GPC3: variants seen among roughly 807,000 people sequenced by gnomAD.
GPC3 encodes the protein glypican 3.
GPC3 carries 3 observed loss-of-function variants against 34.4 expected under a neutral mutation model. That is an observed-to-expected ratio of 0.09 (90% CI 0.04 to 0.23). The LOEUF (loss-of-function observed/expected upper bound fraction) is 0.23. GPC3 is among the 10% of genes least tolerant of loss of function. The probability of loss-of-function intolerance (pLI) is 1.00; values close to 1 mark genes in which losing one functional copy is unlikely to be tolerated. For synonymous variants in GPC3, 177 were observed against 174.0 expected (o/e 1.02, Z -0.13); for missense variants, 351 against 445.6 (o/e 0.79, Z 1.91).
At chrX:133,984,343 T>C (rs1461905097) in intron 1 of GPC3, among the ~76,000 whole-genome samples, 1 of 113,389 alleles carries the variant, frequency 8.8e-6, no homozygotes, top group Admixed American at 9.2e-5. Context: ...CAATTTGGTC[T>C]AATTGGATTC....
At chrX:133,559,262 G>A (rs1343586570) in intron 7 of GPC3, among the ~76,000 whole-genome samples, 3 of 111,486 alleles carry the variant, frequency 2.7e-5, no homozygotes, top group African/African-American at 9.8e-5. Flanking sequence ...AGGAACCAGC[G>A]GGCCAGGCAT....
intron 2 of GPC3, among the ~76,000 whole-genome samples, chrX:133,804,622 T>C (rs2075627068): frequency 9.0e-6 from 1 of 111,459 alleles, no homozygotes; most frequent in African/African-American, 3.3e-5. Flanking sequence ...TTTCTTAACA[T>C]AATATTTCAA....
intron 2 of GPC3, among the ~76,000 whole-genome samples, chrX:133,827,628 C>G (rs1209447912): frequency 1.8e-5 from 2 of 110,732 alleles, no homozygotes; most frequent in Non-Finnish European, 3.8e-5. Flanking sequence ...ACCAAAAATA[C>G]AAAAATTAGC....
intron 2 of GPC3, among the ~76,000 whole-genome samples, chrX:133,835,420 A>ACCCCCATAT (rs780992267): frequency 1.2e-3 from 134 of 111,730 alleles, no homozygotes; most frequent in Non-Finnish European, 8.7e-4. Flanking sequence ...ATAATCTATA[A>ACCCCCATAT]CCCCCATATT....
intron 7 of GPC3, among the ~76,000 whole-genome samples, chrX:133,582,343 G>C (rs1264817111): frequency 8.9e-6 from 1 of 111,840 alleles, no homozygotes; most frequent in Non-Finnish European, 1.9e-5. Context: ...TCGTGAGCCA[G>C]TGCAAGCCAG....
In GPC3 at chrX:133,754,163, A is replaced by C. The variant is rs1603240797; in HGVS notation, c.351T>G (p.Ile117Met). Residue 117 changes from isoleucine to methionine, a missense_variant, in exon 3 of 8, where the codon ATT (isoleucine) becomes ATG (methionine). Coordinates refer to ENST00000370818, the MANE Select transcript of GPC3 (RefSeq NM_004484.4). ...TGTAGTTCTTGGCATGGCGAACAAC[A>C]ATTTCAAAGGCCTCTGTAAAAAAAA... is the stretch of plus-strand genomic sequence containing the variant. ...NAAVFQEAFE[I>M]VVRHAKNYTN... 5.1e-6 allele frequency: 6 copies of C among 1,176,223 alleles called. No individual in the cohort carries two copies. Among genetic ancestry groups the C allele is most frequent in the Middle Eastern group, 2.4e-4 (1 of 4,235 alleles).
chrX:133,923,135 C>T (rs1168907710), intron 2 of GPC3, among the ~76,000 whole-genome samples: 2 of 110,892 alleles, frequency 1.8e-5, no homozygotes, highest in Non-Finnish European at 3.8e-5. Flanking sequence ...CGCGTGTACA[C>T]ACACACACAC....
intron 2 of GPC3, among the ~76,000 whole-genome samples, chrX:133,856,287 CTT>C (rs1047599354): frequency 9.0e-6 from 1 of 111,292 alleles, no homozygotes; most frequent in East Asian, 2.8e-4. Flanking sequence ...CTTGTTATCT[CTT>C]GTCTTTTTTA....
intron 1 of GPC3, among the ~76,000 whole-genome samples, chrX:133,981,537 CAG>C (rs1289949310): frequency 1.7e-4 from 19 of 112,239 alleles, no homozygotes; most frequent in African/African-American, 5.8e-4. Context: ...GCACACAATA[CAG>C]AGTTTTTTGT....
chrX:133,746,948 A>C (rs189525802), intron 3 of GPC3, among the ~76,000 whole-genome samples: 1 of 111,962 alleles, frequency 8.9e-6, no homozygotes, highest in East Asian at 2.8e-4. Flanking sequence ...GACGAGTTAC[A>C]GTCACTCACA....
intron 2 of GPC3, among the ~76,000 whole-genome samples, chrX:133,816,958 A>G (rs1303364333): frequency 8.9e-6 from 1 of 112,338 alleles, no homozygotes; most frequent in Non-Finnish European, 1.9e-5. Context: ...ACCCATAAAC[A>G]AAACAAAGGT....
chrX:133,890,135 T>C (rs1217531071), intron 2 of GPC3, among the ~76,000 whole-genome samples: 1 of 111,235 alleles, frequency 9.0e-6, no homozygotes, highest in Non-Finnish European at 1.9e-5. Flanking sequence ...ATGTACTGTT[T>C]TATCACTTAA....
rs188531353 is a variant in GPC3, at chrX:133,869,962, T to A, written c.337+83088A>T. On this transcript the variant is annotated intron_variant, in intron 2 of 7. Transcript: ENST00000370818. ...AGAGCGAGAGTCCGTCTCAAAAAAA[T>A]AAATAAATAAATAAAAGAGTACCGG... Among the ~76,000 whole-genome samples, 964 of 111,290 alleles carry A rather than the reference T, an allele frequency of 8.7e-3. 18 individuals are homozygous for A. The highest frequency in any genetic ancestry group is 0.029 in the African/African-American group (890 of 30,561).
intron 2 of GPC3, among the ~76,000 whole-genome samples, chrX:133,903,769 C>A (rs1276979087): frequency 8.9e-6 from 1 of 111,963 alleles, no homozygotes; most frequent in Non-Finnish European, 1.9e-5. Context: ...CCACTCCTCC[C>A]CTTTCTTGCT....
chrX:133,648,078 G>A (rs1339044098), intron 6 of GPC3, among the ~76,000 whole-genome samples: 1 of 111,670 alleles, frequency 9.0e-6, no homozygotes, highest in Non-Finnish European at 1.9e-5. Flanking sequence ...ACCACTGCCT[G>A]CTCCAGCCTC....
At chrX:133,569,190 A>C (rs1465383121) in intron 7 of GPC3, among the ~76,000 whole-genome samples, 1 of 111,474 alleles carries the variant, frequency 9.0e-6, no homozygotes, top group Non-Finnish European at 1.9e-5. Flanking sequence ...GATTAAACTG[A>C]AAAGGCAGAC....
chrX:133,835,336 T>C (rs1286134187), intron 2 of GPC3, among the ~76,000 whole-genome samples: 1 of 111,971 alleles, frequency 8.9e-6, no homozygotes, highest in East Asian at 2.8e-4. Flanking sequence ...GCCATTCTAA[T>C]TTGTTTTCAC....
At chrX:133,724,465 T>A (rs2071393170) in intron 3 of GPC3, among the ~76,000 whole-genome samples, 1 of 112,184 alleles carries the variant, frequency 8.9e-6, no homozygotes, top group Non-Finnish European at 1.9e-5. Flanking sequence ...GGCTCTATTT[T>A]TCTTTATGCT....
rs144678433 is a variant in GPC3, at chrX:133,983,999, G to A, written c.175+1276C>T. Among the ~76,000 whole-genome samples the A allele has an allele frequency of 7.7e-3, 867 of 113,194 alleles. 3 individuals are homozygous for A. The highest frequency in any genetic ancestry group is 0.026 in the African/African-American group (812 of 31,244). On this transcript the variant is annotated intron_variant, in intron 1 of 7. Coordinates refer to ENST00000370818, the MANE Select transcript of GPC3 (RefSeq NM_004484.4). ...CTCTTTTCATCAACCTAAAGAAAAG[G>A]CTGAGGGCGCGCTGGCTGCCTAGGT...
Sources: allele counts gnomAD v4.1 joint callset (sites outside exome capture counted in the v4.1 genomes callset), GRCh38; gene constraint gnomAD v4.1.1; transcripts MANE v1.5; gene names NCBI Gene and HGNC (gene_info 2026-07-23, HGNC 2026-07-21).